Variants in TOPAZ1 observed in about 807,000 individuals in gnomAD.
TOPAZ1 encodes protein TOPAZ1.
Under a neutral mutation model 172.2 loss-of-function variants are expected in TOPAZ1, and 66 were observed. That is an observed-to-expected ratio of 0.38 (90% confidence interval 0.31 to 0.47). The LOEUF is 0.47. Ranked by LOEUF, TOPAZ1 falls within the 20% of genes least tolerant of loss-of-function variation. TOPAZ1 has a pLI of 0.99. For synonymous variants in TOPAZ1, 681 were observed against 683.9 expected (o/e 1.00, Z 0.07); for missense variants, 1,822 against 1,972.4 (o/e 0.92, Z 1.44).
Position 44,244,969 on chromosome 3 carries a change from C to T in TOPAZ1, c.2463C>T (p.Phe821=). 1 of 1,551,722 alleles carries T rather than the reference C, an allele frequency of 6.4e-7. No individual in the cohort carries two copies. The highest frequency in any genetic ancestry group is 8.7e-7 in the Non-Finnish European group (1 of 1,147,006). ...GGTATGTAGAGAAAAGTCCTTCCTTCTGCTGTAATGAACAAGAAACATTCC... is the reference window on the plus strand; with the variant it reads ...GGTATGTAGAGAAAAGTCCTTCCTTTTGCTGTAATGAACAAGAAACATTCC... ...DPGYVEKSPS[F]CCNEQETFRP... is the part of the protein sequence containing the mutation. Residue 821 remains phenylalanine (F), a synonymous_variant, in exon 2 of 20, where the codon TTC becomes TTT. Coordinates refer to ENST00000309765, the MANE Select transcript of TOPAZ1 (RefSeq NM_001145030.2).
At chr3:44,303,189 G>GT (rs140754517) in intron 12 of TOPAZ1, among the ~76,000 whole-genome samples, 28 of 150,330 alleles carry the variant, frequency 1.9e-4, no homozygotes, top group South Asian at 4.2e-4. Context: ...TTAGAAAATT[G>GT]TTTTTTTTTC....
In TOPAZ1 at chr3:44,243,241, A is replaced by G; in HGVS notation, c.735A>G (p.Pro245=). Residue 245 remains proline (P), a synonymous_variant, in exon 2 of 20, where the codon CCA becomes CCG. Coordinates refer to ENST00000309765, the MANE Select transcript of TOPAZ1 (RefSeq NM_001145030.2). The part of the protein sequence containing the change: ...SKGCNDENNL[P]YKPDGGCMHV... ...GTTGTAATGATGAAAACAACCTGCC[A>G]TATAAACCTGATGGTGGATGTATGC... 2 of 1,551,336 alleles carry G rather than the reference A, an allele frequency of 1.3e-6. No individual in the cohort carries two copies. Among genetic ancestry groups the G allele is most frequent in the Non-Finnish European group, 1.7e-6 (2 of 1,146,918 alleles).
intron 16 of TOPAZ1, among the ~76,000 whole-genome samples, chr3:44,318,931 C>T (rs1161385706): frequency 6.6e-6 from 1 of 151,422 alleles, no homozygotes; most frequent in Non-Finnish European, 1.5e-5. Context: ...AAACCACAAA[C>T]TGATCGGCTG....
chr3:44,285,346 G>A (rs879813856), intron 9 of TOPAZ1, among the ~76,000 whole-genome samples: 12 of 151,862 alleles, frequency 7.9e-5, no homozygotes, highest in Non-Finnish European at 1.5e-4. Context: ...CACACCTATA[G>A]TCCCAACTGC....
At chr3:44,298,320 A>G (rs1454572587) in intron 12 of TOPAZ1, among the ~76,000 whole-genome samples, 1 of 152,022 alleles carries the variant, frequency 6.6e-6, no homozygotes, top group Non-Finnish European at 1.5e-5. Flanking sequence ...GCTGGGCATG[A>G]TGTCACGCAC....
rs569341139 is a variant in TOPAZ1 at position 44,312,248 on chromosome 3, A to C, written c.4306+2258A>C. The stretch of plus-strand genomic sequence containing the variant: ...TGCAAAGCCAAAAAAAAAAAAAAAA[A>C]CACAGGAATGTACAGAGCAGTTGCT... On this transcript the variant is annotated intron_variant, in intron 16 of 19. Coordinates refer to ENST00000309765, the MANE Select transcript of TOPAZ1 (RefSeq NM_001145030.2). 6.8e-4 allele frequency among the ~76,000 whole-genome samples: 103 copies of C among 151,640 alleles called. 1 individual carries two copies. Among genetic ancestry groups the C allele is most frequent in the African/African-American group, 2.2e-3 (89 of 41,364 alleles).
chr3:44,303,393 A>G (rs1382123465), intron 12 of TOPAZ1, among the ~76,000 whole-genome samples: 1 of 151,300 alleles, frequency 6.6e-6, no homozygotes, highest in Non-Finnish European at 1.5e-5. Flanking sequence ...TTTTCCAAAA[A>G]CTATGCATTT....
chr3:44,307,383 C>A (rs764085873), intron 15 of TOPAZ1, among the ~76,000 whole-genome samples: 1 of 152,100 alleles, frequency 6.6e-6, no homozygotes, highest in Non-Finnish European at 1.5e-5. Context: ...ATAAAAATCA[C>A]CTCTTAGAAT....
intron 12 of TOPAZ1, among the ~76,000 whole-genome samples, chr3:44,299,905 G>C (rs1700248930): frequency 8.0e-6 from 1 of 124,286 alleles, no homozygotes; most frequent in Non-Finnish European, 1.6e-5. Context: ...TGAACAATGA[G>C]AACACATGGA....
chr3:44,282,053 A>AGACAG (rs1176166326), intron 9 of TOPAZ1, 22 bp downstream of exon 9: 1 of 1,412,996 alleles, frequency 7.1e-7, no homozygotes, highest in East Asian at 2.5e-5. Flanking sequence ...TTAAATAATT[A>AGACAG]GTATGAAGCT....
chr3:44,292,389 T>C (rs954531755), intron 12 of TOPAZ1, among the ~76,000 whole-genome samples: 3 of 152,176 alleles, frequency 2.0e-5, no homozygotes, highest in Non-Finnish European at 4.4e-5. Flanking sequence ...AATCATTGAG[T>C]TCATTCTTCC....
At chr3:44,329,801 A>G (rs1009386101) in intron 19 of TOPAZ1, among the ~76,000 whole-genome samples, 2 of 152,184 alleles carry the variant, frequency 1.3e-5, no homozygotes, top group African/African-American at 4.8e-5. Flanking sequence ...GGAAACCCAA[A>G]TATTTTATGA....
intron 4 of TOPAZ1, among the ~76,000 whole-genome samples, chr3:44,260,438 T>C (rs1412653056): frequency 6.6e-6 from 1 of 152,152 alleles, no homozygotes; most frequent in Non-Finnish European, 1.5e-5. Flanking sequence ...TTTTCTTTTA[T>C]AATAGGAGTT....
chr3:44,306,180 T>G, intron 14 of TOPAZ1, 146 bp from the exon 15 acceptor site: 1 of 506,032 alleles, frequency 2.0e-6, no homozygotes, highest in Non-Finnish European at 3.6e-6. Context: ...GGAAAACCAT[T>G]GTTGGCTCCT....
At chr3:44,310,854 C>A (rs946242192) in intron 16 of TOPAZ1, among the ~76,000 whole-genome samples, 2 of 152,196 alleles carry the variant, frequency 1.3e-5, no homozygotes, top group East Asian at 1.9e-4. Flanking sequence ...TAAGGCAATT[C>A]TTCTAAGCAG....
At chr3:44,252,188 G>A (rs114690763) in intron 2 of TOPAZ1, among the ~76,000 whole-genome samples, 1,761 of 152,168 alleles carry the variant, frequency 0.012, 39 homozygotes, top group African/African-American at 0.04. Context: ...ATTTATGAAT[G>A]GAACTTTCAG....
chr3:44,256,125 T>C, intron 3 of TOPAZ1, 26 bp from the exon 4 acceptor site: 3 of 1,466,558 alleles, frequency 2.0e-6, no homozygotes, highest in East Asian at 5.2e-5. Flanking sequence ...TTAAAGTTTC[T>C]ATAGTTGAAT....
chr3:44,303,719 T>C (rs1453268312), intron 12 of TOPAZ1, among the ~76,000 whole-genome samples: 1 of 152,140 alleles, frequency 6.6e-6, no homozygotes, highest in African/African-American at 2.4e-5. Flanking sequence ...GTATTTTTTT[T>C]CTCCTTTTAG....
chr3:44,267,670 G>C (rs1050843365), intron 6 of TOPAZ1, among the ~76,000 whole-genome samples: 1 of 152,056 alleles, frequency 6.6e-6, no homozygotes, highest in Non-Finnish European at 1.5e-5. Flanking sequence ...TAAATTACAG[G>C]TTATATCTAA....
Sources: gnomAD v4.1 joint callset for allele counts (sites outside exome capture counted in the v4.1 genomes callset) on GRCh38, gnomAD v4.1.1 for gene constraint, MANE v1.5 for transcripts, NCBI Gene and HGNC (gene_info 2026-07-23, HGNC 2026-07-21) for gene names.